Variants in CEP120 observed in about 807,000 individuals in gnomAD.
CEP120 encodes the protein centrosomal protein of 120 kDa.
CEP120 carries 113 observed loss-of-function variants against 126.5 expected under a neutral mutation model. The ratio of observed to expected loss-of-function variants is 0.89; its 90% CI spans 0.77 to 1.04. The LOEUF (loss-of-function observed/expected upper bound fraction) is 1.04, where lower values mean the gene tolerates loss of function less well. CEP120 is among the 50% of genes least tolerant of loss of function. The pLI, the probability that CEP120 is intolerant of heterozygous loss-of-function variation, is 0.00. For synonymous variants in CEP120, 400 were observed against 394.3 expected, an observed-to-expected ratio of 1.01 and a Z score of -0.17; for missense variants, 1,230 against 1,155.7, an observed-to-expected ratio of 1.06 and a Z score of -0.93.
At chr5:123,402,458 C>CTCAATA in intron 4 of CEP120, 1 of 814,982 alleles carries the variant, frequency 1.2e-6, no homozygotes, top group Non-Finnish European at 1.7e-6. Context: ...CTTGCTCTGT[C>CTCAATA]ACCCAGGCTG....
chr5:123,388,943 T>C (rs1772206248), intron 8 of CEP120, among the ~76,000 whole-genome samples: 1 of 152,218 alleles, frequency 6.6e-6, no homozygotes, highest in Non-Finnish European at 1.5e-5. Context: ...AAGGGCTGTA[T>C]ATGAGACTTA....
intron 4 of CEP120, chr5:123,403,440 T>C: frequency 2.6e-6 from 1 of 381,638 alleles, no homozygotes; most frequent in Non-Finnish European, 5.1e-6. Context: ...GGACAAACAA[T>C]TAAGCGTAGT....
chr5:123,354,900 G>A (rs749043645), intron 18 of CEP120, among the ~76,000 whole-genome samples: 16 of 151,636 alleles, frequency 1.1e-4, no homozygotes, highest in South Asian at 6.3e-4. Context: ...TCGTCATTTA[G>A]CATTAGGTAT....
intron 18 of CEP120, among the ~76,000 whole-genome samples, chr5:123,354,701 C>T (rs1045755409): frequency 2.2e-4 from 33 of 151,914 alleles, no homozygotes; most frequent in African/African-American, 8.0e-4. Flanking sequence ...TATTAAGTAT[C>T]GCTAGACCAG....
At chr5:123,350,458 T>C (rs1769131632) in intron 18 of CEP120, among the ~76,000 whole-genome samples, 1 of 152,214 alleles carries the variant, frequency 6.6e-6, no homozygotes, top group Non-Finnish European at 1.5e-5. Context: ...TATTCTCTTT[T>C]ACTATAAGTC....
intron 4 of CEP120, chr5:123,402,450 T>A: frequency 6.9e-6 from 6 of 866,858 alleles, no homozygotes; most frequent in Non-Finnish European, 9.6e-6. Context: ...GACAGAGTCT[T>A]GCTCTGTCAC....
chr5:123,368,296 G>A (rs1343204267), intron 17 of CEP120, among the ~76,000 whole-genome samples: 1 of 151,930 alleles, frequency 6.6e-6, no homozygotes, highest in Non-Finnish European at 1.5e-5. Context: ...AGGGTAAAAT[G>A]GAAGTACTCT....
At chr5:123,377,651 A>G (rs562497713) in intron 15 of CEP120, 116 bp from the exon 16 acceptor site, 16 of 830,794 alleles carry the variant, frequency 1.9e-5, no homozygotes, top group East Asian at 1.1e-4. Context: ...ATTTATTTTC[A>G]TATCTTTTTT....
intron 4 of CEP120, among the ~76,000 whole-genome samples, chr5:123,404,430 AGTGG>A (rs976585742): frequency 6.6e-6 from 1 of 152,208 alleles, no homozygotes; most frequent in Non-Finnish European, 1.5e-5. Flanking sequence ...CAAAGGCCTA[AGTGG>A]GGGTCTTCGG....
chr5:123,391,414 G>C, intron 6 of CEP120, 77 bp from the exon 7 acceptor site: 1 of 1,150,668 alleles, frequency 8.7e-7, no homozygotes, highest in East Asian at 2.4e-5. Context: ...TTAATAAGAA[G>C]TTGTAAAATG....
intron 4 of CEP120, among the ~76,000 whole-genome samples, chr5:123,408,527 G>A (rs1404945911): frequency 1.3e-5 from 2 of 152,086 alleles, no homozygotes. Flanking sequence ...AGATGAAATA[G>A]ACCAATTCCT....
intron 6 of CEP120, among the ~76,000 whole-genome samples, chr5:123,391,924 A>G (rs1471182805): frequency 6.6e-6 from 1 of 152,136 alleles, no homozygotes; most frequent in Non-Finnish European, 1.5e-5. Flanking sequence ...AATCACTGAT[A>G]GCTAATTAAA....
intron 5 of CEP120, among the ~76,000 whole-genome samples, chr5:123,397,843 C>T (rs1364859803): frequency 6.6e-6 from 1 of 152,066 alleles, no homozygotes; most frequent in African/African-American, 2.4e-5. Flanking sequence ...CAGCACCTTG[C>T]GAGGCTGAGG....
chr5:123,384,829 G>A (rs1390622666), intron 11 of CEP120, 122 bp downstream of exon 11: 24 of 804,580 alleles, frequency 3.0e-5, no homozygotes, highest in Non-Finnish European at 4.0e-5. Flanking sequence ...AGGAGGTTAT[G>A]AAAGGGTGAA....
intron 17 of CEP120, among the ~76,000 whole-genome samples, chr5:123,367,227 A>C (rs530834786): frequency 6.6e-6 from 1 of 151,998 alleles, no homozygotes; most frequent in East Asian, 1.9e-4. Context: ...ATTTGCCCCA[A>C]GTCAGGGGTG....
At chr5:123,421,352 T>C (rs1774699496) in intron 1 of CEP120, among the ~76,000 whole-genome samples, 2 of 152,192 alleles carry the variant, frequency 1.3e-5, no homozygotes, top group Admixed American at 6.5e-5. Context: ...ACTGCTAACC[T>C]TTTGAGTTTA....
At chr5:123,375,696 G>C (rs919755933) in intron 16 of CEP120, among the ~76,000 whole-genome samples, 1 of 152,136 alleles carries the variant, frequency 6.6e-6, no homozygotes, top group Non-Finnish European at 1.5e-5. Flanking sequence ...TATGTGTTAA[G>C]AGCCTTTGTT....
chr5:123,404,165 T>G (rs984036082), intron 4 of CEP120, among the ~76,000 whole-genome samples: 1 of 151,536 alleles, frequency 6.6e-6, no homozygotes, highest in African/African-American at 2.4e-5. Flanking sequence ...ATATTCTTCT[T>G]CATATTTCCA....
Position 123,346,423 on chromosome 5 carries a change from T to C in CEP120, c.*96A>G. On this transcript the variant is annotated 3_prime_UTR_variant, in exon 20 of 20. Transcript: ENST00000306467. ...AATTTTGCTTATAAAAAATTGAAAATACCATTTTAAAACATCCATTTTCCT... is the reference window on the plus strand; with the variant it reads ...AATTTTGCTTATAAAAAATTGAAAACACCATTTTAAAACATCCATTTTCCT... 3.3e-6 allele frequency: 3 copies of C among 918,756 alleles called. No individual in the cohort carries two copies. The highest frequency in any genetic ancestry group is 3.0e-5 in the Admixed American group (1 of 32,980). The allele number at this position is 918,756 out of a possible 1,614,324, so 56.9% of individuals were successfully genotyped here. A position where few individuals can be genotyped will look rare whatever the true frequency, so the allele number is the denominator to read the frequency against.
Sources: allele counts gnomAD v4.1 joint callset (sites outside exome capture counted in the v4.1 genomes callset), GRCh38; gene constraint gnomAD v4.1.1; transcripts MANE v1.5; gene names NCBI Gene and HGNC (gene_info 2026-07-23, HGNC 2026-07-21).